CEP135: variants seen among roughly 807,000 people sequenced by gnomAD.
CEP135 encodes the protein centrosomal protein of 135 kDa.
In CEP135, 142 loss-of-function variants were observed where a neutral mutation model predicts 157.3. The observed-to-expected ratio is 0.90, with a 90% CI of 0.79 to 1.04. The LOEUF (loss-of-function observed/expected upper bound fraction) is 1.04, where lower values mean the gene tolerates loss of function less well. Among genes scored for constraint, CEP135 ranks in the 50% least tolerant of loss-of-function variants. CEP135 has a pLI of 0.00. For missense variants in CEP135, 1,317 were observed against 1,309.2 expected, an observed-to-expected ratio of 1.01 and a Z score of -0.09; for synonymous variants, 396 against 439.8, an observed-to-expected ratio of 0.90 and a Z score of 1.25.
At chr4:56,003,274 G>A (rs988300551) in intron 17 of CEP135, among the ~76,000 whole-genome samples, 10 of 151,912 alleles carry the variant, frequency 6.6e-5, no homozygotes, top group African/African-American at 2.4e-4. Context: ...TGCAAGCTCC[G>A]CCTCCCGGGT....
chr4:55,982,573 T>C (rs1207940613), intron 13 of CEP135, among the ~76,000 whole-genome samples: 2 of 152,218 alleles, frequency 1.3e-5, no homozygotes, highest in Non-Finnish European at 2.9e-5. Context: ...ATATCCTTTT[T>C]TAGAGAAACA....
chr4:55,965,962 TTG>T, intron 8 of CEP135, 103 bp downstream of exon 8: 1 of 999,250 alleles, frequency 1.0e-6, no homozygotes, highest in Non-Finnish European at 1.5e-6. Flanking sequence ...TTGGTTTATT[TTG>T]TGTGTCTGTT....
intron 6 of CEP135, 77 bp downstream of exon 6, chr4:55,959,843 G>A: frequency 2.7e-6 from 3 of 1,131,416 alleles, no homozygotes; most frequent in Non-Finnish European, 4.0e-6. Context: ...GGTTATATTT[G>A]AAATTGCTGA....
intron 1 of CEP135, 117 bp from the exon 2 acceptor site, chr4:55,951,969 A>G (rs1577860378): frequency 6.4e-6 from 3 of 471,666 alleles, no homozygotes; most frequent in Admixed American, 7.2e-5. Flanking sequence ...CCAGAAGGCT[A>G]CCTACCTGAA....
In CEP135 at chr4:55,969,428, TAA is replaced by T. The variant is rs5858359; in HGVS notation, c.1110+319_1110+320del. On this transcript the variant is annotated intron_variant, in intron 9 of 25. Coordinates refer to ENST00000257287, the MANE Select transcript of CEP135 (RefSeq NM_025009.5). Reference sequence around the variant, plus strand: ...GGCAACAAGAGCGAAACTCCATCTTTAAAAAAAAAAAAAAAAAAAAGAAAAGA... The same window carrying T: ...GGCAACAAGAGCGAAACTCCATCTTTAAAAAAAAAAAAAAAAAAGAAAAGA... Among the ~76,000 whole-genome samples the T allele has an allele frequency of 3.3e-3, 427 of 129,102 alleles. 2 individuals are homozygous for T. The highest frequency in any genetic ancestry group is 8.9e-3 in the African/African-American group (310 of 34,682). 84.7% of individuals were successfully genotyped at this position (129,102 alleles called of 152,430 possible).
intron 14 of CEP135, among the ~76,000 whole-genome samples, chr4:55,988,533 G>A (rs867006134): frequency 1.4e-4 from 22 of 152,022 alleles, no homozygotes; most frequent in South Asian, 4.1e-4. Context: ...GGTGGCACGC[G>A]CCTGTAGTCC....
rs752298859 is a variant in CEP135, at chr4:56,009,816, C to T, written c.2418C>T (p.Leu806=). The part of the protein sequence containing the change: ...RRQLDAAHKE[L]DEVGRSREIA... ...AGCTTGATGCAGCTCACAAAGAACT[C>T]GATGAAGTAGGAAGATCTAGAGAAA... Residue 806 remains leucine, a synonymous_variant, in exon 19 of 26, where the codon CTC becomes CTT. Coordinates refer to ENST00000257287, the MANE Select transcript of CEP135 (RefSeq NM_025009.5). 62 of 1,613,846 alleles carry T rather than the reference C, an allele frequency of 3.8e-5. No homozygotes were observed. The highest frequency in any genetic ancestry group is 6.7e-5 in the Admixed American group (4 of 59,980).
chr4:55,959,766 G>A lies in CEP135; in HGVS notation c.699G>A (p.Gln233=), dbSNP rs535286763. ...MESGVRDYSK[Q]IELREREIER... is the part of the protein sequence containing the mutation. ...GTGGGGTGAGAGACTATAGCAAGCAGGTAGGATTTTTATTTACTTGCATAG... is the reference window on the plus strand; with the variant it reads ...GTGGGGTGAGAGACTATAGCAAGCAAGTAGGATTTTTATTTACTTGCATAG... The change falls in exon 6 of 26, where the codon CAG becomes CAA. Residue 233 remains glutamine (Q), a splice_region_variant and synonymous_variant. Coordinates refer to ENST00000257287, the MANE Select transcript of CEP135 (RefSeq NM_025009.5). 6.2e-7 allele frequency: 1 copy of A among 1,610,780 alleles called. No individual in the cohort carries two copies. Among genetic ancestry groups the A allele is most frequent in the Admixed American group, 1.7e-5 (1 of 60,004 alleles).
Position 55,981,232 on chromosome 4 carries a change from G to A in CEP135, c.1632G>A (p.Gln544=). The stretch of plus-strand genomic sequence containing the variant: ...ATATCTTTTCATTCTTTAAGGCTCA[G>A]GAAGAATTATCTGCCCTAAGAAAGG... ...DKLSVLYNEA[Q]EELSALRKES... Residue 544 remains glutamine (Q), a synonymous_variant, in exon 13 of 26, where the codon CAG becomes CAA. Transcript: ENST00000257287. 1 of 1,579,790 alleles carries A rather than the reference G, an allele frequency of 6.3e-7. No individual in the cohort carries two copies. Among genetic ancestry groups the A allele is most frequent in the Non-Finnish European group, 8.5e-7 (1 of 1,170,144 alleles).
chr4:55,960,925 C>CAAAAAAAAAAA (rs60103294), intron 6 of CEP135: 2 of 38,584 alleles, frequency 5.2e-5, no homozygotes, highest in Admixed American at 3.9e-4. Context: ...GACTCCGTCT[C>CAAAAAAAAAAA]AAAAAAAAAA....
At chr4:55,956,747 A>T (rs1230137420) in intron 4 of CEP135, among the ~76,000 whole-genome samples, 1 of 152,058 alleles carries the variant, frequency 6.6e-6, no homozygotes, top group Non-Finnish European at 1.5e-5. Context: ...AGTAGCTGGG[A>T]TTACAGGTGC....
intron 25 of CEP135, among the ~76,000 whole-genome samples, chr4:56,030,732 G>A (rs1731311516): frequency 6.6e-6 from 1 of 152,152 alleles, no homozygotes; most frequent in Admixed American, 6.6e-5. Flanking sequence ...CGGGATTACA[G>A]GCATGAGCCA....
At chr4:55,989,052 T>G (rs560600613) in intron 14 of CEP135, among the ~76,000 whole-genome samples, 199 of 152,146 alleles carry the variant, frequency 1.3e-3, no homozygotes, top group Non-Finnish European at 2.5e-3. Context: ...ATGTAAGAAT[T>G]TGATCTGTGA....
Position 55,991,913 on chromosome 4 carries a change from GT to G in CEP135, c.1858-14del. On this transcript the variant is annotated intron_variant, in intron 14 of 25. Transcript: ENST00000257287. Reference sequence around the variant, plus strand: ...TAACGTATTAAGATATATACCTACTGTTTTTTTATTTAAATTATAGCTTGAA... The same window carrying G: ...TAACGTATTAAGATATATACCTACTGTTTTTTATTTAAATTATAGCTTGAA... The G allele has an allele frequency of 3.1e-6, 4 of 1,301,486 alleles. No individual in the cohort carries two copies. Among genetic ancestry groups the G allele is most frequent in the African/African-American group, 3.1e-5 (2 of 65,520 alleles). 80.6% of individuals were successfully genotyped at this position (1,301,486 alleles called of 1,614,324 possible). A position where few individuals can be genotyped will look rare whatever the true frequency, so the allele number is the denominator to read the frequency against.
At chr4:56,003,773 T>G (rs1730259900) in intron 17 of CEP135, among the ~76,000 whole-genome samples, 1 of 152,036 alleles carries the variant, frequency 6.6e-6, no homozygotes, top group African/African-American at 2.4e-5. Flanking sequence ...CAGGCTGAAG[T>G]GCAGTAGCAA....
At chr4:55,986,622 T>A (rs758127534) in intron 14 of CEP135, among the ~76,000 whole-genome samples, 5 of 152,158 alleles carry the variant, frequency 3.3e-5, no homozygotes, top group South Asian at 2.1e-4. Flanking sequence ...TCTCTGGAGA[T>A]AGGATTTTTA....
chr4:55,949,919 A>G (rs1284168406), intron 1 of CEP135, among the ~76,000 whole-genome samples: 1 of 152,208 alleles, frequency 6.6e-6, no homozygotes, highest in Non-Finnish European at 1.5e-5. Flanking sequence ...CCTCCAAAGC[A>G]GGATGTGAGG....
chr4:55,974,922 A>G lies in CEP135; in HGVS notation c.1426A>G (p.Ser476Gly), dbSNP rs1426837462. The change falls in exon 11 of 26, where the codon AGT becomes GGT. Residue 476 changes from serine (S) to glycine (G), a missense_variant. Physicochemically the swap from Ser to Gly is moderately conservative, Grantham distance 56. Transcript: ENST00000257287. ...HIIQRRSCST[S>G]YSAREKSSIF... ...AATACAGCGAAGATCTTGCTCTACAAGTTATAGCGCACGTGAAAAAAGTTC... is the reference window on the plus strand; with the variant it reads ...AATACAGCGAAGATCTTGCTCTACAGGTTATAGCGCACGTGAAAAAAGTTC... 1.6e-5 allele frequency: 26 copies of G among 1,611,032 alleles called. No individual in the cohort carries two copies. Among genetic ancestry groups the G allele is most frequent in the Non-Finnish European group, 2.2e-5 (26 of 1,178,266 alleles).
chr4:56,014,525 G>A (rs538536605), intron 21 of CEP135, among the ~76,000 whole-genome samples: 1 of 152,302 alleles, frequency 6.6e-6, no homozygotes, highest in South Asian at 2.1e-4. Context: ...GAGAAAAGAT[G>A]TTACTTGTTA....
Sources: allele counts gnomAD v4.1 joint callset (sites outside exome capture counted in the v4.1 genomes callset), GRCh38; gene constraint gnomAD v4.1.1; transcripts MANE v1.5; gene names NCBI Gene and HGNC (gene_info 2026-07-23, HGNC 2026-07-21).